KLHL1: variants seen among roughly 807,000 people sequenced by gnomAD.
The protein encoded by KLHL1 is kelch-like protein 1.
A neutral mutation model predicts 77.7 loss-of-function variants in KLHL1; 47 were observed. The ratio of observed to expected loss-of-function variants is 0.60; its 90% CI spans 0.48 to 0.77. The LOEUF (loss-of-function observed/expected upper bound fraction) is 0.77, where lower values mean the gene tolerates loss of function less well. Ranked by LOEUF, KLHL1 falls within the 30% of genes least tolerant of loss-of-function variation. The pLI is 0.00. For synonymous variants in KLHL1, 360 were observed against 325.2 expected (o/e 1.11, Z -1.15); for missense variants, 925 against 910.8 (o/e 1.02, Z -0.20).
At chr13:70,034,473 C>CATAT (rs1886190662) in intron 1 of KLHL1, among the ~76,000 whole-genome samples, 1 of 152,126 alleles carries the variant, frequency 6.6e-6, no homozygotes, top group African/African-American at 2.4e-5. Flanking sequence ...AGTTAGTGCC[C>CATAT]ATATGGGTTT....
In KLHL1 at chr13:69,796,870, C is replaced by G. The variant is rs1266970372; in HGVS notation, c.1507G>C (p.Val503Leu). 6.2e-7 allele frequency: 1 copy of G among 1,614,128 alleles called. No homozygotes were observed. The highest frequency in any genetic ancestry group is 1.7e-5 in the Admixed American group (1 of 60,020). Residue 503 changes from valine to leucine, a missense_variant, in exon 7 of 11, where the codon GTT becomes CTT. Physicochemically the swap from Val to Leu is conservative, Grantham distance 32. Transcript: ENST00000377844. ...NGRRLQFGVA[V>L]IDDKLFVIGG... The stretch of plus-strand genomic sequence containing the variant: ...ATTACAAAGAGTTTGTCATCAATAA[C>G]AGCCACACCAAACTGCAGCCTTCTG...
rs758341844 is a variant in KLHL1, at chr13:69,947,039, TG to T, written c.818-6804del. On this transcript the variant is annotated intron_variant, in intron 3 of 10. Coordinates refer to ENST00000377844, the MANE Select transcript of KLHL1 (RefSeq NM_020866.3). Reference sequence around the variant, plus strand: ...ATTGTGTGTGTGTGTTGTGTGTGTGTGTGTGTGTGTGTGTGTGTGTGTGTGT... The same window carrying T: ...ATTGTGTGTGTGTGTTGTGTGTGTGTTGTGTGTGTGTGTGTGTGTGTGTGT... 1.7e-4 allele frequency among the ~76,000 whole-genome samples: 6 copies of T among 34,704 alleles called. No homozygotes were observed. The East Asian group carries it at 4.1e-3, about 23-fold the overall frequency. 22.8% of individuals were successfully genotyped at this position (34,704 alleles called of 152,430 possible).
At chr13:70,055,786 T>C (rs554464134) in intron 1 of KLHL1, among the ~76,000 whole-genome samples, 2 of 152,058 alleles carry the variant, frequency 1.3e-5, no homozygotes, top group Admixed American at 6.6e-5. Flanking sequence ...GCAAGTCACA[T>C]TGTAACCTCA....
At chr13:69,820,264 C>T (rs527934864) in intron 6 of KLHL1, among the ~76,000 whole-genome samples, 5 of 152,276 alleles carry the variant, frequency 3.3e-5, no homozygotes, top group African/African-American at 1.2e-4. Flanking sequence ...AACACCAGTC[C>T]CCCATAACAG....
chr13:69,711,390 G>C (rs9599498), intron 9 of KLHL1, among the ~76,000 whole-genome samples: 52,224 of 151,830 alleles, frequency 0.34, 9,156 homozygotes, highest in Non-Finnish European at 0.37. Flanking sequence ...TCAAAAGAAT[G>C]GCACATAGAT....
chr13:69,999,620 T>C (rs1052630987), intron 1 of KLHL1, among the ~76,000 whole-genome samples: 39 of 152,106 alleles, frequency 2.6e-4, no homozygotes, highest in African/African-American at 7.2e-4. Flanking sequence ...AAGCTGTAGC[T>C]AAAGAAGACT....
rs1362426516 is a variant in KLHL1 at position 69,787,846 on chromosome 13, T to A, written c.1639+8892A>T. On this transcript the variant is annotated intron_variant, in intron 7 of 10. Transcript: ENST00000377844. ...ACAACCCCATCAAAAAGTGGGCAAATGATATGAACAGACATTTCTGAAAAG... is the reference window on the plus strand; with the variant it reads ...ACAACCCCATCAAAAAGTGGGCAAAAGATATGAACAGACATTTCTGAAAAG... Among the ~76,000 whole-genome samples, 62 of 151,992 alleles carry A rather than the reference T, an allele frequency of 4.1e-4. 1 individual carries two copies. Among genetic ancestry groups the A allele is most frequent in the Non-Finnish European group, 5.7e-4 (39 of 68,006 alleles).
intron 1 of KLHL1, among the ~76,000 whole-genome samples, chr13:69,981,759 CA>C (rs1262425257): frequency 6.8e-6 from 1 of 147,988 alleles, no homozygotes; most frequent in Non-Finnish European, 1.5e-5. Flanking sequence ...GTCATTTTTA[CA>C]AAAAAATTCA....
chr13:69,954,021 A>C (rs1883792858), intron 3 of KLHL1, among the ~76,000 whole-genome samples: 2 of 151,278 alleles, frequency 1.3e-5, no homozygotes, highest in Admixed American at 1.3e-4. Context: ...CATTTAAGGA[A>C]TATTAAGACT....
At chr13:69,976,023 C>A (rs1884535940) in intron 1 of KLHL1, among the ~76,000 whole-genome samples, 1 of 151,918 alleles carries the variant, frequency 6.6e-6, no homozygotes, top group South Asian at 2.1e-4. Flanking sequence ...TGGAAAAGTT[C>A]TTTAAAAGAG....
At chr13:69,820,196 A>G (rs1039808339) in intron 6 of KLHL1, among the ~76,000 whole-genome samples, 1 of 152,202 alleles carries the variant, frequency 6.6e-6, no homozygotes, top group Non-Finnish European at 1.5e-5. Flanking sequence ...TCAAACACAG[A>G]TAGTCCTCAC....
At chr13:69,731,605 A>G (rs1052154976) in intron 8 of KLHL1, among the ~76,000 whole-genome samples, 1 of 152,212 alleles carries the variant, frequency 6.6e-6, no homozygotes, top group Non-Finnish European at 1.5e-5. Context: ...GTAAAGTTCA[A>G]TAGCGAACAC....
chr13:69,851,117 T>G (rs1879671132), intron 5 of KLHL1, among the ~76,000 whole-genome samples: 1 of 124,032 alleles, frequency 8.1e-6, no homozygotes, highest in Non-Finnish European at 1.7e-5. Flanking sequence ...CTTTTATTTT[T>G]TATGCTTTTA....
At chr13:70,047,571 G>T (rs978944004) in intron 1 of KLHL1, among the ~76,000 whole-genome samples, 2 of 152,048 alleles carry the variant, frequency 1.3e-5, no homozygotes, top group Non-Finnish European at 2.9e-5. Context: ...ATAAAACACA[G>T]ATTTCATTGA....
At chr13:69,941,833 C>T (rs1883374231) in intron 3 of KLHL1, among the ~76,000 whole-genome samples, 1 of 151,870 alleles carries the variant, frequency 6.6e-6, no homozygotes, top group African/African-American at 2.4e-5. Context: ...CTGCTATGAA[C>T]ACCTTATGTG....
chr13:69,994,255 C>G (rs1292909495), intron 1 of KLHL1, among the ~76,000 whole-genome samples: 1 of 152,144 alleles, frequency 6.6e-6, no homozygotes, highest in Middle Eastern at 3.4e-3. Context: ...ATTAATGAGG[C>G]CTGGTTGGGT....
chr13:70,016,706 G>A, intron 1 of KLHL1, among the ~76,000 whole-genome samples: 1 of 152,186 alleles, frequency 6.6e-6, no homozygotes, highest in Non-Finnish European at 1.5e-5. Context: ...ATGACCTATT[G>A]ATGGAAGCAG....
chr13:70,067,322 G>C (rs1190312272), intron 1 of KLHL1, among the ~76,000 whole-genome samples: 1 of 152,152 alleles, frequency 6.6e-6, no homozygotes, highest in Non-Finnish European at 1.5e-5. Flanking sequence ...ACAACACCCT[G>C]TGAGGTAGGT....
chr13:69,759,783 T>G (rs773726196), intron 7 of KLHL1, among the ~76,000 whole-genome samples: 10 of 152,174 alleles, frequency 6.6e-5, no homozygotes, highest in Non-Finnish European at 1.3e-4. Flanking sequence ...AGCTGAGACT[T>G]CATGCCTAAA....
Sources: allele counts gnomAD v4.1 joint callset (sites outside exome capture counted in the v4.1 genomes callset), GRCh38; gene constraint gnomAD v4.1.1; transcripts MANE v1.5; gene names NCBI Gene and HGNC (gene_info 2026-07-23, HGNC 2026-07-21).